ATAD1: variants seen among roughly 807,000 people sequenced by gnomAD.
ATAD1 encodes outer mitochondrial transmembrane helix translocase.
A neutral mutation model predicts 42.7 loss-of-function variants in ATAD1; 18 were observed. The observed-to-expected ratio is 0.42, with a 90% confidence interval of 0.29 to 0.63. ATAD1 has a LOEUF of 0.63. ATAD1 is among the 20% of genes least tolerant of loss of function. ATAD1 has a pLI of 0.19. For synonymous variants in ATAD1, 132 were observed against 143.1 expected, an observed-to-expected ratio of 0.92 and a Z score of 0.55; for missense variants, 294 against 440.4, an observed-to-expected ratio of 0.67 and a Z score of 2.98.
intron 8 of ATAD1, among the ~76,000 whole-genome samples, chr10:87,763,079 A>T (rs12358770): frequency 0.12 from 12,623 of 102,656 alleles, 1,757 homozygotes; most frequent in East Asian, 0.33. Flanking sequence ...AGACTCTGTC[A>T]CAAAAAAAAA....
intron 5 of ATAD1, among the ~76,000 whole-genome samples, chr10:87,782,586 C>T (rs184054743): frequency 9.2e-5 from 14 of 152,262 alleles, no homozygotes; most frequent in African/African-American, 2.9e-4. Context: ...TTACCCTTGA[C>T]TTTTAAGTTG....
At chr10:87,801,343 C>A (rs1340802888) in intron 2 of ATAD1, among the ~76,000 whole-genome samples, 1 of 151,234 alleles carries the variant, frequency 6.6e-6, no homozygotes, top group Non-Finnish European at 1.5e-5. Context: ...TTTTTTTTGA[C>A]CTAATTAATT....
intron 5 of ATAD1, among the ~76,000 whole-genome samples, chr10:87,782,909 G>A (rs1056738353): frequency 1.3e-5 from 2 of 151,780 alleles, no homozygotes; most frequent in African/African-American, 4.8e-5. Flanking sequence ...GAGGCAGGAG[G>A]ATCGCTTGAG....
chr10:87,792,623 T>TAATAAAAAAGATTAAAAATA, intron 3 of ATAD1, 34 bp downstream of exon 3: 1 of 806,070 alleles, frequency 1.2e-6, no homozygotes, highest in Admixed American at 1.9e-5. Flanking sequence ...CCCCCACCTC[T>TAATAAAAAAGATTAAAAATA]AAAAAAATCT....
chr10:87,765,515 T>G (rs956741100), intron 8 of ATAD1, among the ~76,000 whole-genome samples: 22 of 150,658 alleles, frequency 1.5e-4, no homozygotes, highest in Non-Finnish European at 2.7e-4. Context: ...AAAACTCCAA[T>G]AAAATCGGAA....
intron 8 of ATAD1, among the ~76,000 whole-genome samples, chr10:87,767,140 A>G (rs1215228775): frequency 6.6e-6 from 1 of 152,256 alleles, no homozygotes; most frequent in Non-Finnish European, 1.5e-5. Flanking sequence ...ATGCACAGAT[A>G]CAAAAACACA....
Position 87,757,749 on chromosome 10 carries a change from T to C in ATAD1, c.832-827A>G, listed in dbSNP as rs75398925. On this transcript the variant is annotated intron_variant, in intron 8 of 9. Coordinates refer to ENST00000680024, the MANE Select transcript of ATAD1 (RefSeq NM_001321967.2). ...CCCCCACTGATGTGAAATGACACCT[T>C]ATAGTTACTAAATTCCCATTTGTAT... 1.8e-4 allele frequency among the ~76,000 whole-genome samples: 28 copies of C among 152,328 alleles called. No individual in the cohort carries two copies. The East Asian group carries it at 5.0e-3, about 27-fold the overall frequency.
At chr10:87,810,564 T>C (rs1857133288) in intron 2 of ATAD1, among the ~76,000 whole-genome samples, 1 of 152,214 alleles carries the variant, frequency 6.6e-6, no homozygotes, top group South Asian at 2.1e-4. Flanking sequence ...TTATATTTAT[T>C]GGTGAATTGA....
At chr10:87,817,909 G>T (rs1857498200) in intron 1 of ATAD1, 1 of 985,466 alleles carries the variant, frequency 1.0e-6, no homozygotes, top group African/African-American at 1.7e-5. Context: ...GGAATGGCAC[G>T]AGTCTTGGGG....
At chr10:87,806,103 T>A (rs1231361525) in intron 2 of ATAD1, among the ~76,000 whole-genome samples, 2 of 152,182 alleles carry the variant, frequency 1.3e-5, no homozygotes, top group East Asian at 3.9e-4. Flanking sequence ...CCCACAAACT[T>A]CCCCAAATTC....
chr10:87,770,867 A>C, intron 7 of ATAD1, 85 bp downstream of exon 7: 2 of 1,268,984 alleles, frequency 1.6e-6, no homozygotes, highest in Non-Finnish European at 2.2e-6. Flanking sequence ...CTATATGACA[A>C]AATATTCCCT....
chr10:87,778,580 A>T (rs76121057), intron 5 of ATAD1, among the ~76,000 whole-genome samples: 206 of 152,310 alleles, frequency 1.4e-3, no homozygotes, highest in African/African-American at 4.6e-3. Context: ...TGTGCATGAA[A>T]CAAAGTTTTG....
intron 2 of ATAD1, among the ~76,000 whole-genome samples, chr10:87,805,456 TAACAA>T (rs748453158): frequency 1.3e-5 from 2 of 152,156 alleles, no homozygotes; most frequent in African/African-American, 2.4e-5. Flanking sequence ...TTGAGAATAG[TAACAA>T]AACAATTGAG....
At chr10:87,825,651 G>A (rs1332261835) in intron 1 of ATAD1, among the ~76,000 whole-genome samples, 9 of 150,446 alleles carry the variant, frequency 6.0e-5, no homozygotes, top group East Asian at 3.9e-4. Flanking sequence ...CAACCACAGC[G>A]TCAGAGCTGT....
rs60783935 is a variant in ATAD1 at position 87,795,465 on chromosome 10, G to GTTTT, written c.163-2714_163-2711dup. Among the ~76,000 whole-genome samples the GTTTT allele has an allele frequency of 1.2e-3, 173 of 143,632 alleles. 1 individual carries two copies. Among genetic ancestry groups the GTTTT allele is most frequent in the Middle Eastern group, 3.6e-3 (1 of 276 alleles). 94.2% of individuals were successfully genotyped at this position (143,632 alleles called of 152,430 possible). ...ATTTTCTGATCACCATGGTTTGCTT[G>GTTTT]TTTTTTTTTTTTTTAAAGTAGGTCT... On this transcript the variant is annotated intron_variant, in intron 2 of 9. Coordinates refer to ENST00000680024, the MANE Select transcript of ATAD1 (RefSeq NM_001321967.2).
intron 1 of ATAD1, among the ~76,000 whole-genome samples, chr10:87,838,784 A>C (rs888885379): frequency 1.1e-4 from 17 of 152,134 alleles, no homozygotes; most frequent in African/African-American, 4.1e-4. Context: ...CATAGCAAGA[A>C]GGCAGCTGTC....
chr10:87,836,773 A>G (rs1857937512), intron 1 of ATAD1, among the ~76,000 whole-genome samples: 1 of 152,140 alleles, frequency 6.6e-6, no homozygotes, highest in Non-Finnish European at 1.5e-5. Context: ...ACTACGTTGT[A>G]TTCTTTCCTT....
At chr10:87,801,999 T>C (rs1007510368) in intron 2 of ATAD1, among the ~76,000 whole-genome samples, 19 of 152,252 alleles carry the variant, frequency 1.2e-4, no homozygotes, top group African/African-American at 1.2e-4. Flanking sequence ...TTTTGCACTA[T>C]TGACAGCTTC....
rs1177660107 is a variant in ATAD1 at position 87,792,656 on chromosome 10, C to T, written c.261+1G>A. 9.1e-7 allele frequency: 1 copy of T among 1,098,280 alleles called. No homozygotes were observed. Among genetic ancestry groups the T allele is most frequent in the Admixed American group, 1.9e-5 (1 of 53,028 alleles). 68.0% of individuals were successfully genotyped at this position (1,098,280 alleles called of 1,614,324 possible). A position where few individuals can be genotyped will look rare whatever the true frequency, so the allele number is the denominator to read the frequency against. On this transcript the variant is annotated splice_donor_variant, in intron 3 of 9. Coordinates refer to ENST00000680024, the MANE Select transcript of ATAD1 (RefSeq NM_001321967.2). LOFTEE classifies it high-confidence loss of function. ...TCTTAAATAAGATTAAAGATACATA[C>T]ATGCATATTAAGAGGGTCTACAAGA...
Sources: allele counts gnomAD v4.1 joint callset (sites outside exome capture counted in the v4.1 genomes callset), GRCh38; gene constraint gnomAD v4.1.1; transcripts MANE v1.5; gene names NCBI Gene and HGNC (gene_info 2026-07-23, HGNC 2026-07-21).